PIK3C2G: variants seen among roughly 807,000 people sequenced by gnomAD.
PIK3C2G encodes the protein phosphatidylinositol-4-phosphate 3-kinase catalytic subunit type 2 gamma, also known as phosphatidylinositol 3-kinase C2 domain-containing subunit gamma.
Under a neutral mutation model 181.1 loss-of-function variants are expected in PIK3C2G, and 168 were observed. The ratio of observed to expected loss-of-function variants is 0.93; its 90% CI spans 0.82 to 1.05. The LOEUF (loss-of-function observed/expected upper bound fraction) is 1.05, where lower values mean the gene tolerates loss of function less well. Among genes scored for constraint, PIK3C2G ranks in the 50% least tolerant of loss-of-function variants. The pLI is 0.00. For missense variants in PIK3C2G, 1,869 were observed against 1,732.8 expected (o/e 1.08, Z -1.40); for synonymous variants, 573 against 592.2 (o/e 0.97, Z 0.47).
intron 14 of PIK3C2G, among the ~76,000 whole-genome samples, chr12:18,384,133 T>G (rs1943022903): frequency 6.6e-6 from 1 of 151,966 alleles, no homozygotes; most frequent in African/African-American, 2.4e-5. Context: ...GGACATTTAT[T>G]AGAAGAATAT....
At chr12:18,254,224 T>C (rs1948121985) in intron 1 of PIK3C2G, among the ~76,000 whole-genome samples, 1 of 152,144 alleles carries the variant, frequency 6.6e-6, no homozygotes, top group African/African-American at 2.4e-5. Context: ...TGATCTAAGG[T>C]AGACTGCTTT....
chr12:18,296,692 A>G (rs566231843), intron 5 of PIK3C2G, among the ~76,000 whole-genome samples: 135 of 152,170 alleles, frequency 8.9e-4, no homozygotes, highest in African/African-American at 3.1e-3. Context: ...TTTTCTCTCA[A>G]TTAAAATATC....
chr12:18,568,217 C>A (rs1416251290), intron 29 of PIK3C2G, among the ~76,000 whole-genome samples: 1 of 152,082 alleles, frequency 6.6e-6, no homozygotes, highest in Non-Finnish European at 1.5e-5. Flanking sequence ...GGGTATTATT[C>A]TGCCTATCAC....
At chr12:18,687,903 C>T in the PIK3C2G span, among the ~76,000 whole-genome samples, 2 of 151,928 alleles carry the variant, frequency 1.3e-5, no homozygotes, top group Non-Finnish European at 2.9e-5. Flanking sequence ...TCTGAAAATA[C>T]AGCTAAACAA....
rs145089955 is a variant in PIK3C2G at position 18,404,490 on chromosome 12, C to T, written c.2315+4643C>T. 7.7e-3 allele frequency among the ~76,000 whole-genome samples: 1,171 copies of T among 152,102 alleles called. 15 individuals carry two copies. The highest frequency in any genetic ancestry group is 0.027 in the African/African-American group (1,111 of 41,478). Reference sequence around the variant, plus strand: ...ACCAAAATAAGTATTAAGTACTCTACGAGCCCAAAGGAGAGAGAGGAAAAT... The same window carrying T: ...ACCAAAATAAGTATTAAGTACTCTATGAGCCCAAAGGAGAGAGAGGAAAAT... On this transcript the variant is annotated intron_variant, in intron 16 of 32. Coordinates refer to ENST00000538779, the MANE Select transcript of PIK3C2G (RefSeq NM_001288772.2).
At chr12:18,303,226 T>A (rs1237186466) in intron 5 of PIK3C2G, among the ~76,000 whole-genome samples, 1 of 150,892 alleles carries the variant, frequency 6.6e-6, no homozygotes, top group Non-Finnish European at 1.5e-5. Flanking sequence ...TCTTTCCTTC[T>A]TTCTCTCTTT....
At chr12:18,467,787 G>C (rs1046621063) in intron 18 of PIK3C2G, among the ~76,000 whole-genome samples, 11 of 151,956 alleles carry the variant, frequency 7.2e-5, no homozygotes, top group African/African-American at 2.7e-4. Flanking sequence ...GTTTTTGGTG[G>C]AGACTGTATC....
the PIK3C2G span, among the ~76,000 whole-genome samples, chr12:18,660,277 A>G: frequency 6.6e-6 from 1 of 152,138 alleles, no homozygotes; most frequent in African/African-American, 2.4e-5. Context: ...AGCAGGAGCC[A>G]TAAGGATACT....
chr12:18,250,309 G>A (rs1017312478), intron 1 of PIK3C2G, among the ~76,000 whole-genome samples: 2 of 151,968 alleles, frequency 1.3e-5, no homozygotes. Context: ...TCCCAGTATA[G>A]CGGTCGAAAA....
chr12:18,444,438 A>T (rs1946918529), intron 18 of PIK3C2G, among the ~76,000 whole-genome samples: 2 of 152,194 alleles, frequency 1.3e-5, no homozygotes, highest in South Asian at 4.1e-4. Flanking sequence ...AATACTTATC[A>T]GTATTTTTAT....
chr12:18,385,905 C>T (rs1943138710), intron 14 of PIK3C2G, among the ~76,000 whole-genome samples: 1 of 152,152 alleles, frequency 6.6e-6, no homozygotes, highest in Admixed American at 6.5e-5. Context: ...CTTGCCACCA[C>T]TCTTAACTGT....
intron 17 of PIK3C2G, among the ~76,000 whole-genome samples, chr12:18,423,318 G>C (rs188158482): frequency 4.6e-5 from 7 of 152,158 alleles, no homozygotes; most frequent in African/African-American, 1.7e-4. Context: ...ACAGATTCCT[G>C]TCAGTGAAGT....
At chr12:18,548,014 A>G (rs1565496255) in intron 26 of PIK3C2G, among the ~76,000 whole-genome samples, 1 of 151,996 alleles carries the variant, frequency 6.6e-6, no homozygotes. Context: ...AATTGAAGGC[A>G]GCTCCAGGGA....
intron 29 of PIK3C2G, among the ~76,000 whole-genome samples, chr12:18,580,115 G>C (rs1383985271): frequency 2.7e-5 from 4 of 147,202 alleles, no homozygotes; most frequent in Non-Finnish European, 6.0e-5. Context: ...CCTGGCAATA[G>C]AGTAAGACTC....
In PIK3C2G at chr12:18,446,483, C is replaced by T. The variant is rs191986104; in HGVS notation, c.2504+22444C>T. 1.9e-4 allele frequency among the ~76,000 whole-genome samples: 29 copies of T among 152,300 alleles called. No individual in the cohort carries two copies. In the East Asian group the frequency reaches 5.6e-3, roughly 29 times the overall value. ...CCGCTGACTCATTCCTGAAGTCCCA[C>T]ACCTCAGGCCTCAGTGCTAACAGTA... On this transcript the variant is annotated intron_variant, in intron 18 of 32. Coordinates refer to ENST00000538779, the MANE Select transcript of PIK3C2G (RefSeq NM_001288772.2).
chr12:18,681,484 G>A, the PIK3C2G span, among the ~76,000 whole-genome samples: 2 of 151,978 alleles, frequency 1.3e-5, no homozygotes, highest in African/African-American at 2.4e-5. Flanking sequence ...TATTCTAAAT[G>A]TGAGAACATT....
chr12:18,496,668 C>T (rs905648190), intron 21 of PIK3C2G, among the ~76,000 whole-genome samples: 6 of 151,806 alleles, frequency 4.0e-5, no homozygotes, highest in Admixed American at 6.6e-5. Context: ...TTTATAAGCA[C>T]GTAGGAAAGA....
At chr12:18,316,977 G>C (rs936388293) in intron 6 of PIK3C2G, among the ~76,000 whole-genome samples, 70 of 151,008 alleles carry the variant, frequency 4.6e-4, no homozygotes, top group African/African-American at 1.4e-3. Flanking sequence ...TATGAAAAAG[G>C]CATTCCGTAT....
At chr12:18,531,262 A>G (rs924183194) in intron 24 of PIK3C2G, among the ~76,000 whole-genome samples, 2 of 152,150 alleles carry the variant, frequency 1.3e-5, no homozygotes, top group Admixed American at 1.3e-4. Flanking sequence ...TTCTATCAAT[A>G]TCTATATCCA....
Sources: gnomAD v4.1 joint callset for allele counts (sites outside exome capture counted in the v4.1 genomes callset) on GRCh38, gnomAD v4.1.1 for gene constraint, MANE v1.5 for transcripts, NCBI Gene and HGNC (gene_info 2026-07-23, HGNC 2026-07-21) for gene names.